UBE2O: variants seen among roughly 807,000 people sequenced by gnomAD.
The protein encoded by UBE2O is (E3-independent) E2 ubiquitin-conjugating enzyme.
UBE2O carries 15 observed loss-of-function variants against 125.8 expected under a neutral mutation model. The observed-to-expected ratio is 0.12, with a 90% CI of 0.08 to 0.18. UBE2O has a LOEUF of 0.18. UBE2O is among the 10% of genes least tolerant of loss of function. The pLI is 1.00. For missense variants in UBE2O, 1,280 were observed against 1,723.6 expected (o/e 0.74, Z 4.56); for synonymous variants, 708 against 703.2 (o/e 1.01, Z -0.11).
At chr17:76,442,801 G>T (rs1233741762) in intron 1 of UBE2O, among the ~76,000 whole-genome samples, 1 of 152,168 alleles carries the variant, frequency 6.6e-6, no homozygotes, top group East Asian at 1.9e-4. Flanking sequence ...AGGTCAGTTG[G>T]CGGCAGCGCT....
In UBE2O at chr17:76,390,889, G is replaced by A; in HGVS notation, c.*54C>T. The A allele has an allele frequency of 2.6e-6, 4 of 1,517,440 alleles. No individual in the cohort carries two copies. Among genetic ancestry groups the A allele is most frequent in the Non-Finnish European group, 3.5e-6 (4 of 1,128,756 alleles). The allele number at this position is 1,517,440 out of a possible 1,614,324, so 94.0% of individuals were successfully genotyped here. A position where few individuals can be genotyped will look rare whatever the true frequency, so the allele number is the denominator to read the frequency against. ...GAGGGGTGATTCCGGGGGGGAGTGA[G>A]CAGGCGGCGGCTGGCCTCTCCCACG... On this transcript the variant is annotated 3_prime_UTR_variant, in exon 18 of 18. Coordinates refer to ENST00000319380, the MANE Select transcript of UBE2O (RefSeq NM_022066.4).
At chr17:76,411,332 T>C (rs1290985667) in intron 1 of UBE2O, among the ~76,000 whole-genome samples, 1 of 152,230 alleles carries the variant, frequency 6.6e-6, no homozygotes, top group African/African-American at 2.4e-5. Flanking sequence ...GTGATTTTGA[T>C]TGTCATGTCC....
chr17:76,415,795 C>CTG (rs34127040), intron 1 of UBE2O, among the ~76,000 whole-genome samples: 18,280 of 143,150 alleles, frequency 0.13, 1,228 homozygotes, highest in Middle Eastern at 0.19. Context: ...CAGAGCAAGA[C>CTG]TGTGTGTGTG....
At chr17:76,394,280 C>G (rs766813875) in intron 15 of UBE2O, among the ~76,000 whole-genome samples, 1 of 152,224 alleles carries the variant, frequency 6.6e-6, no homozygotes, top group Non-Finnish European at 1.5e-5. Flanking sequence ...GATTCAGAGT[C>G]TAGCATAGTG....
At chr17:76,444,166 A>C (rs2143906164) in intron 1 of UBE2O, among the ~76,000 whole-genome samples, 1 of 152,344 alleles carries the variant, frequency 6.6e-6, no homozygotes, top group Middle Eastern at 3.4e-3. Context: ...GGTTGCAGTG[A>C]GCCAAGGTTG....
chr17:76,452,616 C>A lies in UBE2O; in HGVS notation c.417+109G>T. ...ACTGGGGCTGTCCTCCCGCGTCGGC[C>A]ACTGCAGTGGCACCGCTCCGGGCAG... On this transcript the variant is annotated intron_variant, in intron 1 of 17. Coordinates refer to ENST00000319380, the MANE Select transcript of UBE2O (RefSeq NM_022066.4). This position sits in a 1 kb window ranked among gnomAD's most constrained non-coding sequence, Gnocchi z 4.4. 9.3e-7 allele frequency: 1 copy of A among 1,072,380 alleles called. No homozygotes were observed. Among genetic ancestry groups the A allele is most frequent in the African/African-American group, 1.7e-5 (1 of 60,254 alleles). 66.4% of individuals were successfully genotyped at this position (1,072,380 alleles called of 1,614,324 possible).
chr17:76,391,084 A>G lies in UBE2O; in HGVS notation c.3738T>C (p.Pro1246=). The change falls in exon 18 of 18, where the codon CCT becomes CCC. Residue 1246 remains proline, a synonymous_variant. Coordinates refer to ENST00000319380, the MANE Select transcript of UBE2O (RefSeq NM_022066.4). The surrounding 1 kb of genome is among the most constrained non-coding windows in gnomAD (Gnocchi z 8.4). ...KRRKSYRSFL[P]EKSGYPDIGF... ...CGATGTCAGGGTAGCCACTCTTCTC[A>G]GGTAAGAAGCTCCGGTAGCTCTTTC... 6.2e-7 allele frequency: 1 copy of G among 1,614,166 alleles called. No individual in the cohort carries two copies. Among genetic ancestry groups the G allele is most frequent in the Non-Finnish European group, 8.5e-7 (1 of 1,180,044 alleles).
chr17:76,393,893 G>A (rs891350945), intron 15 of UBE2O, among the ~76,000 whole-genome samples: 4 of 152,366 alleles, frequency 2.6e-5, no homozygotes, highest in African/African-American at 7.2e-5. Context: ...CTCTGCACAT[G>A]CTCTTATCGG....
In UBE2O at chr17:76,395,587, C is replaced by T. The variant is rs1376844458; in HGVS notation, c.2946+138G>A. 9.9e-7 allele frequency: 1 copy of T among 1,011,140 alleles called. No homozygotes were observed. Among genetic ancestry groups the T allele is most frequent in the African/African-American group, 1.6e-5 (1 of 61,858 alleles). The allele number at this position is 1,011,140 out of a possible 1,614,324, so 62.6% of individuals were successfully genotyped here. A position where few individuals can be genotyped will look rare whatever the true frequency, so the allele number is the denominator to read the frequency against. On this transcript the variant is annotated intron_variant, in intron 15 of 17. Coordinates refer to ENST00000319380, the MANE Select transcript of UBE2O (RefSeq NM_022066.4). The surrounding 1 kb of genome is among the most constrained non-coding windows in gnomAD (Gnocchi z 5.0). ...CTCACCTGACTGAGCCTGTGACCGC[C>T]CCTGTAAAAGGTGGGTGGGTGAGTG... is the stretch of plus-strand genomic sequence containing the variant.
In UBE2O at chr17:76,391,627, ACACCTTCCCT is replaced by A. The variant is rs2072116284; in HGVS notation, c.3209-24_3209-15del. 2 of 1,605,666 alleles carry A rather than the reference ACACCTTCCCT, an allele frequency of 1.2e-6. No individual in the cohort carries two copies. The highest frequency in any genetic ancestry group is 1.7e-6 in the Non-Finnish European group (2 of 1,174,298). ...CCAGGATCAGACCTGTGTGGGCGGGACACCTTCCCTCAGTGGGTGAGAGAGGCCCACAATG... is the reference window on the plus strand; with the variant it reads ...CCAGGATCAGACCTGTGTGGGCGGGACAGTGGGTGAGAGAGGCCCACAATG... On this transcript the variant is annotated splice_polypyrimidine_tract_variant and intron_variant, in intron 17 of 17. Coordinates refer to ENST00000319380, the MANE Select transcript of UBE2O (RefSeq NM_022066.4). This position sits in a 1 kb window ranked among gnomAD's most constrained non-coding sequence, Gnocchi z 8.4.
At chr17:76,419,515 C>CGA (rs1225472271) in intron 1 of UBE2O, among the ~76,000 whole-genome samples, 1 of 152,148 alleles carries the variant, frequency 6.6e-6, no homozygotes, top group Admixed American at 6.5e-5. Flanking sequence ...GCCCACCCTT[C>CGA]GGCACTCCCT....
intron 1 of UBE2O, among the ~76,000 whole-genome samples, chr17:76,409,937 G>C (rs2072488769): frequency 6.6e-6 from 1 of 152,164 alleles, no homozygotes; most frequent in Non-Finnish European, 1.5e-5. Context: ...GGCCAGCAGA[G>C]GGAGAGCACA....
In UBE2O at chr17:76,402,710, A is replaced by G; in HGVS notation, c.589-11T>C. 6.2e-7 allele frequency: 1 copy of G among 1,611,272 alleles called. No individual in the cohort carries two copies. The highest frequency in any genetic ancestry group is 8.5e-7 in the Non-Finnish European group (1 of 1,177,424). On this transcript the variant is annotated splice_polypyrimidine_tract_variant and intron_variant, in intron 3 of 17. Transcript: ENST00000319380. The surrounding 1 kb of genome is among the most constrained non-coding windows in gnomAD (Gnocchi z 5.4). ...CCCATACATGAAGGGCTGCAGACCAAGGAGGCAGGGGCAGTGAGACACAGC... is the reference window on the plus strand; with the variant it reads ...CCCATACATGAAGGGCTGCAGACCAGGGAGGCAGGGGCAGTGAGACACAGC...
At chr17:76,408,177 C>A (rs1291556205) in intron 1 of UBE2O, among the ~76,000 whole-genome samples, 1 of 152,214 alleles carries the variant, frequency 6.6e-6, no homozygotes, top group Non-Finnish European at 1.5e-5. Context: ...CCTCTCCCTG[C>A]CCCCGTATGC....
At chr17:76,403,333 G>A (rs1176416042) in intron 3 of UBE2O, among the ~76,000 whole-genome samples, 2 of 152,060 alleles carry the variant, frequency 1.3e-5, no homozygotes, top group African/African-American at 4.8e-5. Flanking sequence ...GCAATGGTGT[G>A]ATCTTGGCTT....
At position 76,396,238 on chromosome 17, in the gene UBE2O, G is replaced by T; in HGVS notation, c.2699C>A (p.Ala900Asp). 1.9e-6 allele frequency: 3 copies of T among 1,614,212 alleles called. No homozygotes were observed. The highest frequency in any genetic ancestry group is 2.5e-6 in the Non-Finnish European group (3 of 1,180,042). ...CACCGGGGTTTCGCTGGGCCACTCA[G>T]CCTTCACAGGTGACTGCCCCTCGGG... ...DKPEGQSPVK[A>D]EWPSETPVLC... is the part of the protein sequence containing the mutation. Residue 900 changes from alanine to aspartate, a missense_variant, in exon 14 of 18, where the codon GCT becomes GAT. By Grantham distance (126) the Ala-to-Asp change is moderately radical. Coordinates refer to ENST00000319380, the MANE Select transcript of UBE2O (RefSeq NM_022066.4). The surrounding 1 kb of genome is among the most constrained non-coding windows in gnomAD (Gnocchi z 6.7).
intron 1 of UBE2O, among the ~76,000 whole-genome samples, chr17:76,433,722 AAAAG>A (rs1201720804): frequency 5.9e-5 from 9 of 151,954 alleles, no homozygotes; most frequent in African/African-American, 1.7e-4. Context: ...AGAAAAAAAA[AAAAG>A]AGAGAGAGAG....
chr17:76,435,565 G>C (rs1465096348), intron 1 of UBE2O, among the ~76,000 whole-genome samples: 1 of 152,118 alleles, frequency 6.6e-6, no homozygotes, highest in African/African-American at 2.4e-5. Flanking sequence ...CAGACGCAGA[G>C]CTAAATTATC....
chr17:76,405,690 G>A lies in UBE2O; in HGVS notation c.418-118C>T. On this transcript the variant is annotated intron_variant, in intron 1 of 17. Coordinates refer to ENST00000319380, the MANE Select transcript of UBE2O (RefSeq NM_022066.4). The surrounding 1 kb of genome is among the most constrained non-coding windows in gnomAD (Gnocchi z 6.1). ...ACACTGCTAAGTGCACAAATCCTAA[G>A]CGTTTGGCTAGCAGTATCTTCACAG... The A allele has an allele frequency of 1.1e-6, 1 of 900,002 alleles. No individual in the cohort carries two copies. The highest frequency in any genetic ancestry group is 1.5e-5 in the South Asian group (1 of 64,850). The allele number at this position is 900,002 out of a possible 1,614,324, so 55.8% of individuals were successfully genotyped here.
Sources: gnomAD v4.1 joint callset for allele counts (sites outside exome capture counted in the v4.1 genomes callset) on GRCh38, gnomAD v4.1.1 for gene constraint, Gnocchi (gnomAD v3.1) non-coding constraint, MANE v1.5 for transcripts, NCBI Gene and HGNC (gene_info 2026-07-23, HGNC 2026-07-21) for gene names.